The following TTC7A variants were observed in gnomAD, a reference collection of about 807,000 sequenced individuals.
TTC7A encodes tetratricopeptide repeat domain 7A, also known as tetratricopeptide repeat protein 7A.
TTC7A carries 110 observed loss-of-function variants against 103.7 expected under a neutral mutation model. The observed-to-expected ratio is 1.06, with a 90% CI of 0.91 to 1.24. TTC7A has a LOEUF of 1.24. Among genes scored for constraint, TTC7A ranks in the 50% most tolerant of loss-of-function variants. The probability of loss-of-function intolerance (pLI) is 0.00; values close to 1 mark genes in which losing one functional copy is unlikely to be tolerated. For missense variants in TTC7A, 1,340 were observed against 1,116.3 expected (o/e 1.20, Z -2.86); for synonymous variants, 521 against 467.9 (o/e 1.11, Z -1.47).
At chr2:47,049,150 G>T (rs1227978694) in intron 16 of TTC7A, among the ~76,000 whole-genome samples, 2 of 152,124 alleles carry the variant, frequency 1.3e-5, no homozygotes, top group Non-Finnish European at 2.9e-5. Flanking sequence ...CCCAGGCTTG[G>T]CCTGCCTCCT....
intron 18 of TTC7A, among the ~76,000 whole-genome samples, chr2:47,054,979 G>A (rs1159008141): frequency 6.6e-6 from 1 of 152,044 alleles, no homozygotes; most frequent in African/African-American, 2.4e-5. Flanking sequence ...GAATTCCAGG[G>A]TAATTTGCAC....
intron 3 of TTC7A, among the ~76,000 whole-genome samples, chr2:46,963,593 A>G (rs950030269): frequency 6.6e-6 from 1 of 152,254 alleles, no homozygotes; most frequent in Non-Finnish European, 1.5e-5. Context: ...CAGTTTCTGC[A>G]TAACCAGACT....
chr2:47,051,580 G>T (rs577249996), intron 17 of TTC7A, among the ~76,000 whole-genome samples, 166 bp from the exon 18 acceptor site: 1 of 152,296 alleles, frequency 6.6e-6, no homozygotes, highest in South Asian at 2.1e-4. Context: ...GACATAGTGG[G>T]CCCTCCCTAG....
intron 16 of TTC7A, chr2:47,047,412 G>A (rs568405575): frequency 3.6e-5 from 34 of 954,360 alleles, no homozygotes; most frequent in Non-Finnish European, 4.8e-5. Context: ...GGGCAGAGGA[G>A]GACCAGTGGG....
In TTC7A at chr2:46,995,665, C is replaced by T. The variant is rs140559510; in HGVS notation, c.1065+466C>T. On this transcript the variant is annotated intron_variant, in intron 8 of 19. Transcript: ENST00000319190. ...ACATCACTTATTTTCTCTGAGCCTCCGTTTTCTCCCCTGTAATATAACAAT... is the reference window on the plus strand; with the variant it reads ...ACATCACTTATTTTCTCTGAGCCTCTGTTTTCTCCCCTGTAATATAACAAT... Among the ~76,000 whole-genome samples the T allele has an allele frequency of 3.7e-3, 561 of 152,262 alleles. 5 individuals are homozygous for T. Among genetic ancestry groups the T allele is most frequent in the African/African-American group, 0.013 (530 of 41,534 alleles).
Position 46,941,960 on chromosome 2 carries a change from A to G in TTC7A, c.184+235A>G. ...GCTTTTGCTCTGTGTCCTTTAGGAT[A>G]ATGTGGCTAACTCTGTCTACCGTGA... On this transcript the variant is annotated intron_variant, in intron 1 of 19. Coordinates refer to ENST00000319190, the MANE Select transcript of TTC7A (RefSeq NM_020458.4). This position sits in a 1 kb window ranked among gnomAD's most constrained non-coding sequence, Gnocchi z 4.2. The G allele has an allele frequency of 1.7e-6, 1 of 596,704 alleles. No homozygotes were observed. The highest frequency in any genetic ancestry group is 2.0e-5 in the South Asian group (1 of 50,006). The allele number at this position is 596,704 out of a possible 1,614,324, so 37.0% of individuals were successfully genotyped here.
chr2:46,956,832 A>G lies in TTC7A; in HGVS notation c.349-7A>G. ...CAGGCGCTGGTAACATGTCCTTGTC[A>G]TTTCAGCCACAGTACATGTGTGAGG... On this transcript the variant is annotated splice_polypyrimidine_tract_variant and splice_region_variant and intron_variant, in intron 2 of 19. Coordinates refer to ENST00000319190, the MANE Select transcript of TTC7A (RefSeq NM_020458.4). 1.2e-6 allele frequency: 2 copies of G among 1,613,888 alleles called. No individual in the cohort carries two copies. The highest frequency in any genetic ancestry group is 1.7e-5 in the Admixed American group (1 of 59,996).
At chr2:47,041,648 G>C (rs2104671759) in intron 15 of TTC7A, among the ~76,000 whole-genome samples, 1 of 152,032 alleles carries the variant, frequency 6.6e-6, no homozygotes, top group South Asian at 2.1e-4. Flanking sequence ...AGCTGCTCAG[G>C]AGGCTGAGGC....
chr2:46,938,337 CT>C (rs906515735), upstream of TTC7A, among the ~76,000 whole-genome samples: 10 of 151,440 alleles, frequency 6.6e-5, no homozygotes, highest in South Asian at 2.1e-4. Context: ...ACTATTATAC[CT>C]TTTTTTTTCC....
intron 2 of TTC7A, among the ~76,000 whole-genome samples, chr2:46,952,450 T>C (rs1304226038): frequency 6.6e-6 from 1 of 152,136 alleles, no homozygotes; most frequent in Non-Finnish European, 1.5e-5. Flanking sequence ...AATAAGTAAT[T>C]TGAGTGATAA....
At chr2:47,018,861 T>C (rs1678981118) in intron 11 of TTC7A, among the ~76,000 whole-genome samples, 1 of 152,134 alleles carries the variant, frequency 6.6e-6, no homozygotes, top group African/African-American at 2.4e-5. Context: ...ACAAAGTGAC[T>C]TGCCCAAGGT....
At chr2:47,043,346 G>A (rs905856491) in intron 15 of TTC7A, among the ~76,000 whole-genome samples, 1 of 152,180 alleles carries the variant, frequency 6.6e-6, no homozygotes, top group Non-Finnish European at 1.5e-5. Context: ...CCCCCATGGG[G>A]ATACAGAAAG....
intron 12 of TTC7A, 38 bp downstream of exon 12, chr2:47,022,017 G>C: frequency 6.6e-7 from 1 of 1,503,938 alleles, no homozygotes; most frequent in Non-Finnish European, 9.2e-7. Context: ...ACTTGGGGAT[G>C]GCTCAGGCTT....
rs1680257422 is a variant in TTC7A at position 47,029,269 on chromosome 2, A to G, written c.1687A>G (p.Lys563Glu). The G allele has an allele frequency of 6.2e-7, 1 of 1,613,902 alleles. No homozygotes were observed. The highest frequency in any genetic ancestry group is 1.3e-5 in the African/African-American group (1 of 74,938). Residue 563 changes from lysine (K) to glutamate (E), a missense_variant, in exon 15 of 20, where the codon AAG (lysine) becomes GAG (glutamate). By Grantham distance (56) the Lys-to-Glu change is moderately conservative. Coordinates refer to ENST00000319190, the MANE Select transcript of TTC7A (RefSeq NM_020458.4). ...GCTGCAGGAGGCCCTGAAGGTACGC[A>G]AGGATGATGCCCACGCCCTCCACCT... ...EQLQEALKVRKDDAHALHLLA... is the reference protein window; with the variant it reads ...EQLQEALKVREDDAHALHLLA...
chr2:46,940,732 C>T (rs781730040), upstream of TTC7A, among the ~76,000 whole-genome samples: 1 of 152,200 alleles, frequency 6.6e-6, no homozygotes, highest in Admixed American at 6.5e-5. The surrounding 1 kb of genome is among the most constrained non-coding windows in gnomAD (Gnocchi z 4.7). Flanking sequence ...TCCAGAGAGT[C>T]GCGGGCCTGG....
Position 46,975,042 on chromosome 2 carries a change from T to C in TTC7A, c.587T>C (p.Val196Ala). The C allele has an allele frequency of 6.2e-7, 1 of 1,614,064 alleles. No homozygotes were observed. Among genetic ancestry groups the C allele is most frequent in the Non-Finnish European group, 8.5e-7 (1 of 1,179,944 alleles). ...RFRLTEREEE[V>A]ITCFERASWI... ...CGCCTGACAGAGAGGGAGGAGGAAG[T>C]GATCACCTGTTTTGAGAGGGCCTCC... Residue 196 changes from valine (V) to alanine (A), a missense_variant, in exon 4 of 20, where the codon GTG (valine) becomes GCG (alanine). Val to Ala is a moderately conservative substitution (Grantham distance 64). Transcript: ENST00000319190.
intron 11 of TTC7A, among the ~76,000 whole-genome samples, chr2:47,013,877 G>C (rs2104500843): frequency 6.6e-6 from 1 of 152,300 alleles, no homozygotes; most frequent in South Asian, 2.1e-4. Context: ...TCAGGGGCTA[G>C]TTTGAGCCAG....
At chr2:47,069,411 C>T (rs1237512242) in intron 19 of TTC7A, among the ~76,000 whole-genome samples, 1 of 152,208 alleles carries the variant, frequency 6.6e-6, no homozygotes, top group Non-Finnish European at 1.5e-5. Context: ...CAGGTACTCA[C>T]TACCCCAGGA....
intron 3 of TTC7A, among the ~76,000 whole-genome samples, chr2:46,968,098 G>T (rs1391157926): frequency 6.6e-6 from 1 of 152,234 alleles, no homozygotes; most frequent in African/African-American, 2.4e-5. Context: ...GGGCTTCTTG[G>T]AAGGGCGGCT....
Sources: allele counts gnomAD v4.1 joint callset (sites outside exome capture counted in the v4.1 genomes callset), GRCh38; gene constraint gnomAD v4.1.1; non-coding constraint Gnocchi (gnomAD v3.1); transcripts MANE v1.5; gene names NCBI Gene and HGNC (gene_info 2026-07-23, HGNC 2026-07-21).